OLA1: variants seen among roughly 807,000 people sequenced by gnomAD.
The protein encoded by OLA1 is Obg like ATPase 1, also known as obg-like ATPase 1.
Under a neutral mutation model 48.4 loss-of-function variants are expected in OLA1, and 14 were observed. The observed-to-expected ratio is 0.29, with a 90% confidence interval of 0.19 to 0.45. The LOEUF is 0.45. Among genes scored for constraint, OLA1 ranks in the 20% least tolerant of loss-of-function variants. The pLI is 1.00. For synonymous variants in OLA1, 127 were observed against 150.4 expected (o/e 0.84, Z 1.14); for missense variants, 325 against 467.1 (o/e 0.70, Z 2.80).
In OLA1 at chr2:174,081,202, C is replaced by G. The variant is rs1684846909; in HGVS notation, c.916G>C (p.Glu306Gln). 6.2e-7 allele frequency: 1 copy of G among 1,611,498 alleles called. No individual in the cohort carries two copies. Among genetic ancestry groups the G allele is most frequent in the African/African-American group, 1.3e-5 (1 of 74,838 alleles). ...TCTGGGCCTGCAGTGAAAAAGTATT[C>G]TAGTTGGAGTGCTGCAAACCCAGCC... is the stretch of plus-strand genomic sequence containing the variant. ...IKAGFAALQL[E>Q]YFFTAGPDEV... The change falls in exon 9 of 11, where the codon GAA becomes CAA. Residue 306 changes from glutamate to glutamine, a missense_variant. By Grantham distance (29) the Glu-to-Gln change is conservative. Coordinates refer to ENST00000284719, the MANE Select transcript of OLA1 (RefSeq NM_013341.5).
intron 7 of OLA1, among the ~76,000 whole-genome samples, chr2:174,088,440 C>CT (rs1685031766): frequency 6.6e-6 from 1 of 152,122 alleles, no homozygotes; most frequent in Admixed American, 6.5e-5. Context: ...GGTTTATAAC[C>CT]TGCACTAAAA....
At chr2:174,131,525 C>T (rs1399548169) in intron 5 of OLA1, among the ~76,000 whole-genome samples, 5 of 152,136 alleles carry the variant, frequency 3.3e-5, no homozygotes, top group African/African-American at 9.7e-5. Flanking sequence ...AAACTTCATA[C>T]ATATTGCTAA....
chr2:174,112,641 G>T (rs1685679899), intron 7 of OLA1, among the ~76,000 whole-genome samples: 1 of 152,116 alleles, frequency 6.6e-6, no homozygotes, highest in Non-Finnish European at 1.5e-5. Flanking sequence ...CATGGGAGTA[G>T]GTTAGTTATT....
At chr2:174,161,560 G>A (rs1687012541) in intron 4 of OLA1, among the ~76,000 whole-genome samples, 1 of 151,922 alleles carries the variant, frequency 6.6e-6, no homozygotes. Context: ...GGCTACTTGG[G>A]AAACTGAGAT....
chr2:174,237,358 T>C (rs921634881), intron 2 of OLA1, among the ~76,000 whole-genome samples: 1 of 152,180 alleles, frequency 6.6e-6, no homozygotes, highest in African/African-American at 2.4e-5. Flanking sequence ...TAACAATGCT[T>C]CCTTCTGGAA....
chr2:174,207,495 T>C (rs980260794), intron 4 of OLA1, among the ~76,000 whole-genome samples: 2 of 152,210 alleles, frequency 1.3e-5, no homozygotes, highest in African/African-American at 2.4e-5. Flanking sequence ...CCTACATCGA[T>C]TGATGTTAGT....
intron 4 of OLA1, among the ~76,000 whole-genome samples, chr2:174,174,035 C>CAAAAAAAAAAAAAAAAAAAAAA (rs112671944): frequency 7.4e-6 from 1 of 135,604 alleles, no homozygotes; most frequent in African/African-American, 2.7e-5. Flanking sequence ...CACACACACA[C>CAAAAAAAAAAAAAAAAAAAAAA]AAAAAAAAAA....
intron 2 of OLA1, among the ~76,000 whole-genome samples, chr2:174,235,559 G>A (rs1246825368): frequency 6.6e-6 from 1 of 152,130 alleles, no homozygotes; most frequent in Non-Finnish European, 1.5e-5. Flanking sequence ...AATAAACTAA[G>A]CTCTACAATT....
At chr2:174,078,105 T>A (rs561168489) in intron 10 of OLA1, among the ~76,000 whole-genome samples, 14 of 152,158 alleles carry the variant, frequency 9.2e-5, no homozygotes, top group Non-Finnish European at 1.5e-4. Context: ...AAAGTCCTGC[T>A]GTTCGGTATG....
chr2:174,247,555 T>C, intron 1 of OLA1: 1 of 1,475,370 alleles, frequency 6.8e-7, no homozygotes, highest in Middle Eastern at 1.8e-4. Flanking sequence ...AAAATTCCAT[T>C]GTGGAACCAC....
chr2:174,222,941 T>C (rs1688539342), intron 4 of OLA1, 92 bp downstream of exon 4: 4 of 1,318,932 alleles, frequency 3.0e-6, no homozygotes, highest in Admixed American at 2.4e-5. Flanking sequence ...AAAGCAATCT[T>C]CCATTAGTCA....
intron 10 of OLA1, among the ~76,000 whole-genome samples, chr2:174,075,969 A>G (rs1684726695): frequency 6.6e-6 from 1 of 152,226 alleles, no homozygotes; most frequent in Non-Finnish European, 1.5e-5. Context: ...TGATGCCAAA[A>G]ATATAGTTGG....
intron 4 of OLA1, among the ~76,000 whole-genome samples, chr2:174,192,837 G>A (rs1184409543): frequency 1.3e-5 from 2 of 151,938 alleles, no homozygotes; most frequent in African/African-American, 4.8e-5. Flanking sequence ...CCATAGTTTC[G>A]AAAAGTCAGC....
intron 4 of OLA1, among the ~76,000 whole-genome samples, chr2:174,202,604 C>A (rs1688015333): frequency 6.6e-6 from 1 of 152,142 alleles, no homozygotes; most frequent in Non-Finnish European, 1.5e-5. Flanking sequence ...CATGACTTGA[C>A]AACGAAATGT....
chr2:174,104,785 G>C (rs1190314226), intron 7 of OLA1, among the ~76,000 whole-genome samples: 3 of 151,784 alleles, frequency 2.0e-5, no homozygotes, highest in African/African-American at 7.3e-5. Context: ...ATGCAATTCC[G>C]GTTTATTTCT....
At chr2:174,152,611 T>A (rs1686771878) in intron 4 of OLA1, among the ~76,000 whole-genome samples, 1 of 151,900 alleles carries the variant, frequency 6.6e-6, no homozygotes, top group African/African-American at 2.4e-5. Context: ...ATGAAAAGAG[T>A]CGTATTAATC....
intron 4 of OLA1, among the ~76,000 whole-genome samples, chr2:174,170,559 T>A (rs1687274934): frequency 6.6e-6 from 1 of 152,170 alleles, no homozygotes; most frequent in African/African-American, 2.4e-5. Context: ...GAATTGATAA[T>A]AAAATAGAAC....
chr2:174,122,571 AC>A (rs1373391640), intron 7 of OLA1, among the ~76,000 whole-genome samples: 2 of 152,336 alleles, frequency 1.3e-5, no homozygotes, highest in East Asian at 3.9e-4. Context: ...GGACATGCCC[AC>A]AGGTACATGA....
chr2:174,215,838 T>C (rs1215889338), intron 4 of OLA1, among the ~76,000 whole-genome samples: 1 of 152,218 alleles, frequency 6.6e-6, no homozygotes, highest in East Asian at 1.9e-4. Flanking sequence ...GCTATTGGGA[T>C]AAGCTTGAGT....
Sources: allele counts gnomAD v4.1 joint callset (sites outside exome capture counted in the v4.1 genomes callset), GRCh38; gene constraint gnomAD v4.1.1; transcripts MANE v1.5; gene names NCBI Gene and HGNC (gene_info 2026-07-23, HGNC 2026-07-21).